TTC3: variants seen among roughly 807,000 people sequenced by gnomAD.
TTC3 encodes the protein tetratricopeptide repeat domain 3, also known as E3 ubiquitin-protein ligase TTC3.
A neutral mutation model predicts 249.6 loss-of-function variants in TTC3; 180 were observed. That is an observed-to-expected ratio of 0.72 (90% CI 0.64 to 0.82). TTC3 has a LOEUF of 0.82. Ranked by LOEUF, TTC3 falls within the 40% of genes least tolerant of loss-of-function variation. The pLI is 0.00. For synonymous variants in TTC3, 717 were observed against 805.0 expected, an observed-to-expected ratio of 0.89 and a Z score of 1.85; for missense variants, 2,061 against 2,398.4, an observed-to-expected ratio of 0.86 and a Z score of 2.94.
At chr21:37,091,379 T>A (rs1568881932) in exon 7 of TTC3, 1 of 1,610,738 alleles carries the variant, frequency 6.2e-7, no homozygotes, top group Middle Eastern at 1.7e-4. Context: ...CAATTGACAA[T>A]TGTTGGCCTA....
Position 37,172,712 on chromosome 21 carries a change from G to A in TTC3, c.4585G>A (p.Glu1529Lys), listed in dbSNP as rs557713050. The change falls in exon 35 of 46, where the codon GAG becomes AAG. Residue 1529 changes from glutamate to lysine, a missense_variant. Glu to Lys is a moderately conservative substitution (Grantham distance 56). Transcript: ENST00000355666. ...CTTAGAAGAGACCAGGGACCTGGAA[G>A]AGAAGTTGAAAAGGCACTTAGAAGA... 9 of 1,614,014 alleles carry A rather than the reference G, an allele frequency of 5.6e-6. No homozygotes were observed. The South Asian group carries it at 9.9e-5, about 18-fold the overall frequency.
chr21:37,154,706 G>GT (rs1362305753), intron 27 of TTC3, among the ~76,000 whole-genome samples: 1 of 151,758 alleles, frequency 6.6e-6, no homozygotes, highest in African/African-American at 2.4e-5. Context: ...TTGTTTGTTT[G>GT]TTTTTTTGAG....
intron 44 of TTC3, among the ~76,000 whole-genome samples, chr21:37,199,662 A>T (rs972107908): frequency 4.6e-5 from 7 of 152,168 alleles, no homozygotes; most frequent in African/African-American, 2.4e-5. Flanking sequence ...AATCTCCCTT[A>T]CCCTGAGGCA....
chr21:37,165,453 AAC>A, intron 32 of TTC3, 95 bp from the exon 33 acceptor site: 3 of 904,518 alleles, frequency 3.3e-6, no homozygotes, highest in Non-Finnish European at 5.1e-6. Context: ...TGAAAAGTGA[AAC>A]AGTGTTTTCC....
intron 44 of TTC3, among the ~76,000 whole-genome samples, chr21:37,198,765 C>G (rs1368613309): frequency 6.6e-6 from 1 of 152,166 alleles, no homozygotes; most frequent in Non-Finnish European, 1.5e-5. Flanking sequence ...CTCTTGAATG[C>G]ATGGATATGT....
chr21:37,199,556 T>C lies in TTC3; in HGVS notation c.5851-676T>C, dbSNP rs939501374. Among the ~76,000 whole-genome samples, 26 of 152,224 alleles carry C rather than the reference T, an allele frequency of 1.7e-4. 1 individual carries two copies. Among genetic ancestry groups the C allele is most frequent in the African/African-American group, 6.3e-4 (26 of 41,464 alleles). ...CAGCACCCGACACCAACCCTGCCCA[T>C]GGATGTTTGCCGGATGAGCCATCCG... On this transcript the variant is annotated intron_variant, in intron 44 of 45. Transcript: ENST00000355666.
At chr21:37,153,237 G>T (rs201291506) in exon 27 of TTC3, 15 of 1,613,474 alleles carry the variant, frequency 9.3e-6, no homozygotes, top group Admixed American at 1.7e-5. Context: ...AAGAAGTGGA[G>T]CCCAAATTAG....
chr21:37,172,560 G>T, intron 34 of TTC3, 35 bp from the exon 35 acceptor site: 6 of 1,587,816 alleles, frequency 3.8e-6, no homozygotes, highest in South Asian at 2.3e-5. Context: ...CATTTTAAAT[G>T]ATTTTTAATA....
chr21:37,193,171 T>C (rs2084394778), intron 41 of TTC3, among the ~76,000 whole-genome samples: 2 of 152,180 alleles, frequency 1.3e-5, no homozygotes, highest in Non-Finnish European at 2.9e-5. Context: ...GACCTTTGCC[T>C]GGGCTGTTCC....
chr21:37,146,834 A>G (rs923899257), intron 21 of TTC3, among the ~76,000 whole-genome samples: 2 of 152,238 alleles, frequency 1.3e-5, no homozygotes, highest in Non-Finnish European at 2.9e-5. Context: ...TTTGAGTTGT[A>G]TAGTGTGTAA....
intron 35 of TTC3, among the ~76,000 whole-genome samples, chr21:37,173,080 G>T (rs111762854): frequency 6.6e-5 from 10 of 152,138 alleles, no homozygotes; most frequent in African/African-American, 2.4e-4. Context: ...TAGGAATAGA[G>T]GTTCAGAATG....
chr21:37,187,032 T>C lies in TTC3; in HGVS notation c.4827-17T>C, dbSNP rs776539177. 17 of 1,508,574 alleles carry C rather than the reference T, an allele frequency of 1.1e-5. No individual in the cohort carries two copies. Among genetic ancestry groups the C allele is most frequent in the Non-Finnish European group, 1.5e-5 (17 of 1,128,450 alleles). 93.4% of individuals were successfully genotyped at this position (1,508,574 alleles called of 1,614,324 possible). A position where few individuals can be genotyped will look rare whatever the true frequency, so the allele number is the denominator to read the frequency against. Reference sequence around the variant, plus strand: ...ATTTTGTTCAAGAAAGTTTTTTTTTTCCTTCAATATTTGTAGCAACACACT... The same window carrying C: ...ATTTTGTTCAAGAAAGTTTTTTTTTCCCTTCAATATTTGTAGCAACACACT... On this transcript the variant is annotated splice_polypyrimidine_tract_variant and intron_variant, in intron 37 of 45. Coordinates refer to ENST00000355666, the Ensembl canonical transcript of TTC3.
intron 1 of TTC3, chr21:37,083,684 CT>C (rs2072017489): frequency 6.6e-6 from 1 of 152,180 alleles, no homozygotes; most frequent in South Asian, 2.1e-4. Flanking sequence ...GAGGAAAGAA[CT>C]TCATTTCATA....
At chr21:37,200,434 T>A in intron 45 of TTC3, 110 bp downstream of exon 45, 1 of 1,226,264 alleles carries the variant, frequency 8.2e-7, no homozygotes, top group Non-Finnish European at 1.1e-6. Flanking sequence ...GCTTTCAAAC[T>A]ATTTTCTTTG....
chr21:37,188,608 C>T lies in TTC3; in HGVS notation c.5024+13C>T, dbSNP rs891321388. 1.5e-5 allele frequency: 24 copies of T among 1,607,946 alleles called. No homozygotes were observed. Among genetic ancestry groups the T allele is most frequent in the Admixed American group, 6.7e-5 (4 of 59,938 alleles). On this transcript the variant is annotated intron_variant, in intron 39 of 45. Transcript: ENST00000355666. ...GGCTGATTAGCCGGTATTGCAGTTT[C>T]GTGGGTGTTCTCAGCACGTCATTTA...
chr21:37,159,729 A>G (rs2080499989), exon 29 of TTC3: 1 of 1,613,680 alleles, frequency 6.2e-7, no homozygotes, highest in East Asian at 2.2e-5. Context: ...AGGAAACAAG[A>G]TAGTGGTGAA....
intron 44 of TTC3, among the ~76,000 whole-genome samples, chr21:37,198,353 C>T (rs150068085): frequency 5.3e-5 from 8 of 152,300 alleles, no homozygotes; most frequent in African/African-American, 1.7e-4. Context: ...TTTGTACATC[C>T]AGTGTGGTAT....
intron 42 of TTC3, among the ~76,000 whole-genome samples, chr21:37,196,780 A>G (rs2084958962): frequency 6.6e-6 from 1 of 152,216 alleles, no homozygotes; most frequent in Non-Finnish European, 1.5e-5. Context: ...CTGATTTGTT[A>G]GAGTGTGAGG....
At chr21:37,096,508 T>G (rs1460752979) in intron 9 of TTC3, 73 bp from the exon 10 acceptor site, 3 of 1,240,988 alleles carry the variant, frequency 2.4e-6, no homozygotes, top group Non-Finnish European at 3.5e-6. Flanking sequence ...TCTCATGCCT[T>G]ATGTTTTCTA....
Sources: allele counts gnomAD v4.1 joint callset (sites outside exome capture counted in the v4.1 genomes callset), GRCh38; gene constraint gnomAD v4.1.1; transcripts MANE v1.5; gene names NCBI Gene and HGNC (gene_info 2026-07-23, HGNC 2026-07-21).